PAPLN: variants seen among roughly 807,000 people sequenced by gnomAD.
The protein encoded by PAPLN is papilin, proteoglycan like sulfated glycoprotein.
Under a neutral mutation model 159.0 loss-of-function variants are expected in PAPLN, and 146 were observed. The ratio of observed to expected loss-of-function variants is 0.92; its 90% CI spans 0.80 to 1.05. The LOEUF is 1.05. Ranked by LOEUF, PAPLN falls within the 50% of genes least tolerant of loss-of-function variation. PAPLN has a pLI of 0.00. For missense variants in PAPLN, 1,720 were observed against 1,743.9 expected, an observed-to-expected ratio of 0.99 and a Z score of 0.24; for synonymous variants, 734 against 702.9, an observed-to-expected ratio of 1.04 and a Z score of -0.70.
intron 11 of PAPLN, 96 bp downstream of exon 11, chr14:73,252,871 A>T: frequency 6.5e-7 from 1 of 1,546,038 alleles, no homozygotes; most frequent in African/African-American, 1.4e-5. Context: ...TAGAACAAAG[A>T]GGTGGGGGTC....
intron 17 of PAPLN, 151 bp downstream of exon 17, chr14:73,260,980 C>T: frequency 7.1e-7 from 1 of 1,402,330 alleles, no homozygotes. Flanking sequence ...GGGCACCGGG[C>T]TTCAAAGATG....
In PAPLN at chr14:73,251,696, A is replaced by G. The variant is rs1885276863; in HGVS notation, c.703A>G (p.Asn235Asp). Reference sequence around the variant, plus strand: ...GAATGTTCGTGGGGAATACTACCTCAATGGGCACTGGACCATCGAGGCGGC... The same window carrying G: ...GAATGTTCGTGGGGAATACTACCTCGATGGGCACTGGACCATCGAGGCGGC... ...VKNVRGEYYLNGHWTIEAARA... is the reference protein window; with the variant it reads ...VKNVRGEYYLDGHWTIEAARA... The change falls in exon 9 of 27, where the codon AAT becomes GAT. Residue 235 changes from asparagine (N) to aspartate (D), a missense_variant. Physicochemically the swap from Asn to Asp is conservative, Grantham distance 23. Coordinates refer to ENST00000644200, the MANE Select transcript of PAPLN (RefSeq NM_001365906.3). The G allele has an allele frequency of 6.2e-7, 1 of 1,613,396 alleles. No homozygotes were observed. Among genetic ancestry groups the G allele is most frequent in the Non-Finnish European group, 8.5e-7 (1 of 1,179,972 alleles).
rs370340257 is a variant in PAPLN, at chr14:73,268,899, G to A, written c.3667+176G>A. Reference sequence around the variant, plus strand: ...CCTTCCTGAGCCTCATTTTCCTCCCGTCTACAGTGGGGCTGCTCCACCACC... The same window carrying A: ...CCTTCCTGAGCCTCATTTTCCTCCCATCTACAGTGGGGCTGCTCCACCACC... On this transcript the variant is annotated intron_variant, in intron 26 of 26. Coordinates refer to ENST00000644200, the MANE Select transcript of PAPLN (RefSeq NM_001365906.3). Among the ~76,000 whole-genome samples the A allele has an allele frequency of 8.6e-4, 131 of 152,248 alleles. 2 individuals are homozygous for A. The South Asian group carries it at 0.024, about 28-fold the overall frequency.
chr14:73,268,424 C>G (rs1887422586), intron 25 of PAPLN, 133 bp from the exon 26 acceptor site: 1 of 915,258 alleles, frequency 1.1e-6, no homozygotes, highest in Non-Finnish European at 1.6e-6. Flanking sequence ...CTTGATTTCT[C>G]CCTGTCCTCC....
chr14:73,262,526 C>G lies in PAPLN; in HGVS notation c.2422C>G (p.Leu808Val). 1 of 1,576,580 alleles carries G rather than the reference C, an allele frequency of 6.3e-7. No homozygotes were observed. Among genetic ancestry groups the G allele is most frequent in the African/African-American group, 1.3e-5 (1 of 74,180 alleles). The change falls in exon 19 of 27, where the codon CTC becomes GTC. Residue 808 changes from leucine to valine, a missense_variant. Coordinates refer to ENST00000644200, the MANE Select transcript of PAPLN (RefSeq NM_001365906.3). ...GTGCATGAGCAGCTGCCAGGGATCT[C>G]TCCATGGGCCCCGTCGTCCCCAGCC... is the stretch of plus-strand genomic sequence containing the variant. ...QECMSSCQGS[L>V]HGPRRPQPGA...
At position 73,260,701 on chromosome 14, in the gene PAPLN, C is replaced by A; in HGVS notation, c.1986-8C>A. 6.9e-7 allele frequency: 1 copy of A among 1,452,668 alleles called. No individual in the cohort carries two copies. The highest frequency in any genetic ancestry group is 1.6e-5 in the South Asian group (1 of 62,896). The allele number at this position is 1,452,668 out of a possible 1,614,324, so 90.0% of individuals were successfully genotyped here. On this transcript the variant is annotated splice_polypyrimidine_tract_variant and splice_region_variant and intron_variant, in intron 16 of 26. Coordinates refer to ENST00000644200, the MANE Select transcript of PAPLN (RefSeq NM_001365906.3). ...TGGGCAGTGAGGGGCTGTGTGATGT[C>A]TGCCTAGGTACGGGTGCTGCCCTGA...
chr14:73,260,768 C>T lies in PAPLN; in HGVS notation c.2045C>T (p.Thr682Ile). The T allele has an allele frequency of 6.8e-7, 1 of 1,481,248 alleles. No individual in the cohort carries two copies. The highest frequency in any genetic ancestry group is 8.9e-7 in the Non-Finnish European group (1 of 1,119,158). 91.8% of individuals were successfully genotyped at this position (1,481,248 alleles called of 1,614,324 possible). A position where few individuals can be genotyped will look rare whatever the true frequency, so the allele number is the denominator to read the frequency against. Residue 682 changes from threonine (T) to isoleucine (I), a missense_variant, in exon 17 of 27, where the codon ACA becomes ATA. Transcript: ENST00000644200. ...GAGGGGCCCCATCACGCTGGCTGCACAAAGTCGTATGGTGGTGACAGCACC... is the reference window on the plus strand; with the variant it reads ...GAGGGGCCCCATCACGCTGGCTGCATAAAGTCGTATGGTGGTGACAGCACC... Reference protein sequence around the residue: ...VAEGPHHAGCTKSYGGDSTGG... With the variant: ...VAEGPHHAGCIKSYGGDSTGG...
rs764380534 is a variant in PAPLN, at chr14:73,244,735, G to A, written c.146G>A (p.Arg49Gln). The A allele has an allele frequency of 1.1e-5, 18 of 1,580,492 alleles. No individual in the cohort carries two copies. Among genetic ancestry groups the A allele is most frequent in the Middle Eastern group, 1.7e-4 (1 of 5,988 alleles). The part of the protein sequence containing the change: ...SRTCGGGVSF[R>Q]ERPCYSQRRD... Reference sequence around the variant, plus strand: ...ACCTGTGGAGGGGGTGTCAGCTTCCGGGAGCGCCCCTGCTACTCCCAGAGG... The same window carrying A: ...ACCTGTGGAGGGGGTGTCAGCTTCCAGGAGCGCCCCTGCTACTCCCAGAGG... The change falls in exon 3 of 27, where the codon CGG becomes CAG. Residue 49 changes from arginine (R) to glutamine (Q), a missense_variant. Transcript: ENST00000644200.
chr14:73,273,332 C>T lies in PAPLN; in HGVS notation c.*668C>T, dbSNP rs146312698. On this transcript the variant is annotated 3_prime_UTR_variant, in exon 27 of 27. Coordinates refer to ENST00000644200, the MANE Select transcript of PAPLN (RefSeq NM_001365906.3). ...TGAGACAGAGTTTCGCACTTCTTGC[C>T]CAGGCTGGAGTACAATGGTGCGATC... 1 of 151,530 alleles carries T rather than the reference C, an allele frequency of 6.6e-6. No individual in the cohort carries two copies. Among genetic ancestry groups the T allele is most frequent in the Admixed American group, 6.6e-5 (1 of 15,174 alleles). 9.4% of individuals were successfully genotyped at this position (151,530 alleles called of 1,614,324 possible).
In PAPLN at chr14:73,246,115, G is replaced by T. The variant is rs779938639; in HGVS notation, c.274G>T (p.Ala92Ser). The T allele has an allele frequency of 6.3e-7, 1 of 1,590,726 alleles. No homozygotes were observed. Among genetic ancestry groups the T allele is most frequent in the Non-Finnish European group, 8.5e-7 (1 of 1,170,774 alleles). Residue 92 changes from alanine (A) to serine (S), a missense_variant, in exon 5 of 27, where the codon GCG becomes TCG. Physicochemically the swap from Ala to Ser is moderately conservative, Grantham distance 99 (BLOSUM62 1). Coordinates refer to ENST00000644200, the MANE Select transcript of PAPLN (RefSeq NM_001365906.3). ...GARDFRAEQC[A>S]EFDGAEFQGR... ...CCGGGACTTCCGGGCCGAGCAGTGC[G>T]CGGAGTTCGACGGAGCGGAGTTCCA...
rs764468636 is a variant in PAPLN, at chr14:73,252,001, G to T, written c.844-17G>T. On this transcript the variant is annotated splice_polypyrimidine_tract_variant and intron_variant, in intron 9 of 26. Coordinates refer to ENST00000644200, the MANE Select transcript of PAPLN (RefSeq NM_001365906.3). ...GCTCCCCAGCAGCAGACCCCAACAA[G>T]GACTCTCCCGTGACAGCTCATCAGC... is the stretch of plus-strand genomic sequence containing the variant. The T allele has an allele frequency of 6.3e-7, 1 of 1,597,424 alleles. No homozygotes were observed. Among genetic ancestry groups the T allele is most frequent in the Non-Finnish European group, 8.5e-7 (1 of 1,170,838 alleles).
intron 6 of PAPLN, 104 bp from the exon 7 acceptor site, chr14:73,250,803 A>C: frequency 7.2e-7 from 1 of 1,379,556 alleles, no homozygotes; most frequent in African/African-American, 1.5e-5. Context: ...CGACCACCCT[A>C]TCCTGCCTGG....
At chr14:73,260,949 T>A (rs1413720142) in intron 17 of PAPLN, 120 bp downstream of exon 17, 3 of 1,424,126 alleles carry the variant, frequency 2.1e-6, no homozygotes, top group Non-Finnish European at 2.8e-6. Context: ...GCAAATCTGC[T>A]GGCCTGGGTC....
chr14:73,239,900 C>G, intron 2 of PAPLN, 68 bp downstream of exon 2: 4 of 1,483,298 alleles, frequency 2.7e-6, no homozygotes, highest in Non-Finnish European at 3.6e-6. Flanking sequence ...ACGCGCGGGC[C>G]CGCAGGCAAC....
chr14:73,251,478 G>GC lies in PAPLN; in HGVS notation c.590-3dup, dbSNP rs749550910. On this transcript the variant is annotated splice_polypyrimidine_tract_variant and splice_region_variant and intron_variant, in intron 7 of 26. Transcript: ENST00000644200. ...CAGCACACCCAGCACCTGCGTCTCT[G>GC]CCCCCAGGCTACAACCAGATCCTCA... The GC allele has an allele frequency of 3.4e-5, 54 of 1,603,580 alleles. No individual in the cohort carries two copies. The African/African-American group carries it at 6.1e-4, about 18-fold the overall frequency.
chr14:73,257,063 C>T (rs1013279087), intron 14 of PAPLN, among the ~76,000 whole-genome samples: 2 of 152,178 alleles, frequency 1.3e-5, no homozygotes, highest in South Asian at 2.1e-4. Context: ...CCTCCACGTT[C>T]TGGGCTCAAG....
At position 73,250,971 on chromosome 14, in the gene PAPLN, G is replaced by A; in HGVS notation, c.530G>A (p.Gly177Asp). Residue 177 changes from glycine (G) to aspartate (D), a missense_variant, in exon 7 of 27, where the codon GGT becomes GAT. Transcript: ENST00000644200. ...KQEDKCLRCGGDGTTCYPVAG... is the reference protein window; with the variant it reads ...KQEDKCLRCGDDGTTCYPVAG... ...GAGGACAAGTGTCTGCGGTGTGGGG[G>A]TGACGGCACGACCTGCTACCCCGTC... is the stretch of plus-strand genomic sequence containing the variant. 6.2e-7 allele frequency: 1 copy of A among 1,613,792 alleles called. No homozygotes were observed. The highest frequency in any genetic ancestry group is 8.5e-7 in the Non-Finnish European group (1 of 1,179,950).
At position 73,268,560 on chromosome 14, in the gene PAPLN, C is replaced by T. The variant is rs192622055; in HGVS notation, c.3504C>T (p.Asn1168=). Residue 1168 remains asparagine (N), a synonymous_variant, in exon 26 of 27, where the codon AAC becomes AAT. Coordinates refer to ENST00000644200, the MANE Select transcript of PAPLN (RefSeq NM_001365906.3). ...GESVNIRWSR[N]GLPVQADGHR... is the part of the protein sequence containing the mutation. The stretch of plus-strand genomic sequence containing the variant: ...CCCAGTGTCCTCTCTCCTCCAGGAA[C>T]GGGCTACCTGTGCAGGCTGATGGCC... 73 of 1,610,550 alleles carry T rather than the reference C, an allele frequency of 4.5e-5. No homozygotes were observed. In the Admixed American group the frequency reaches 5.5e-4, roughly 12 times the overall value.
At chr14:73,256,659 T>C (rs1885951412) in intron 14 of PAPLN, among the ~76,000 whole-genome samples, 1 of 152,090 alleles carries the variant, frequency 6.6e-6, no homozygotes. Flanking sequence ...CCCAGCACTT[T>C]GGGAGGCAGA....
Sources: allele counts gnomAD v4.1 joint callset (sites outside exome capture counted in the v4.1 genomes callset), GRCh38; gene constraint gnomAD v4.1.1; transcripts MANE v1.5; gene names NCBI Gene and HGNC (gene_info 2026-07-23, HGNC 2026-07-21).